TMEM17: variants seen among roughly 807,000 people sequenced by gnomAD.
The protein encoded by TMEM17 is transmembrane protein 17.
In TMEM17, 15 loss-of-function variants were observed where a neutral mutation model predicts 19.1. The observed-to-expected ratio is 0.78, with a 90% CI of 0.52 to 1.21. The LOEUF is 1.21. Among genes scored for constraint, TMEM17 ranks in the 50% most tolerant of loss-of-function variants. The pLI, the probability that TMEM17 is intolerant of heterozygous loss-of-function variation, is 0.00. For synonymous variants in TMEM17, 103 were observed against 86.9 expected, an observed-to-expected ratio of 1.19 and a Z score of -1.03; for missense variants, 245 against 242.3, an observed-to-expected ratio of 1.01 and a Z score of -0.07.
chr2:62,491,991 T>A, the TMEM17 span, among the ~76,000 whole-genome samples: 48,077 of 151,404 alleles, frequency 0.32, 8,371 homozygotes, highest in South Asian at 0.5. Flanking sequence ...AGCCTTTCTA[T>A]AGGTAAACGT....
chr2:62,499,396 G>T (rs1558721289), downstream of TMEM17, among the ~76,000 whole-genome samples: 1 of 152,000 alleles, frequency 6.6e-6, no homozygotes, highest in Non-Finnish European at 1.5e-5. Flanking sequence ...AGTCCTATCT[G>T]GGAAACAAAT....
At chr2:62,487,844 C>G in the TMEM17 span, among the ~76,000 whole-genome samples, 2 of 152,194 alleles carry the variant, frequency 1.3e-5, no homozygotes, top group African/African-American at 2.4e-5. Context: ...CAGGCTCATG[C>G]CACCATGCCC....
chr2:62,496,108 A>G (rs190647403), downstream of TMEM17, among the ~76,000 whole-genome samples: 55 of 152,090 alleles, frequency 3.6e-4, no homozygotes, highest in African/African-American at 1.3e-3. Context: ...CTTGAGACTC[A>G]GTATTCCTGT....
chr2:62,504,739 T>C (rs1336922796), intron 1 of TMEM17, among the ~76,000 whole-genome samples: 1 of 152,236 alleles, frequency 6.6e-6, no homozygotes, highest in Admixed American at 6.5e-5. Context: ...TTTTGTACAG[T>C]CAATGAGCTA....
the TMEM17 span, among the ~76,000 whole-genome samples, chr2:62,492,930 G>T: frequency 6.6e-6 from 1 of 152,226 alleles, no homozygotes; most frequent in Non-Finnish European, 1.5e-5. Context: ...GCTTGAAGGA[G>T]TGGGGAAGAG....
the TMEM17 span, among the ~76,000 whole-genome samples, chr2:62,482,015 G>A: frequency 6.6e-6 from 1 of 152,166 alleles, no homozygotes; most frequent in Non-Finnish European, 1.5e-5. Context: ...ATTTAGCCTG[G>A]AAGTTGGAGA....
chr2:62,454,418 C>T, the TMEM17 span, among the ~76,000 whole-genome samples: 4 of 152,310 alleles, frequency 2.6e-5, no homozygotes, highest in Admixed American at 2.6e-4. Flanking sequence ...ATGAGGCAAA[C>T]AGTGTGCAGC....
intron 1 of TMEM17, 141 bp downstream of exon 1, chr2:62,505,889 C>T: frequency 1.2e-6 from 1 of 860,050 alleles, no homozygotes; most frequent in Non-Finnish European, 1.8e-6. Flanking sequence ...CCGGCCCCTC[C>T]TCCAAGGCGC....
Position 62,501,408 on chromosome 2 carries a change from C to A in TMEM17, c.398G>T (p.Gly133Val). Residue 133 changes from glycine (G) to valine (V), a missense_variant, in exon 4 of 4, where the codon GGC (glycine) becomes GTC (valine). Transcript: ENST00000335390. ...PLILFLLFNE[G>V]LTNLPLEKAI... ...TTTTTCCAAGGGCAGATTTGTTAGG[C>A]CTTCATTAAAGAGCAAGAAAAGAAT... The A allele has an allele frequency of 1.2e-6, 2 of 1,614,128 alleles. No homozygotes were observed. Among genetic ancestry groups the A allele is most frequent in the South Asian group, 1.1e-5 (1 of 91,080 alleles).
At chr2:62,470,084 T>C in the TMEM17 span, among the ~76,000 whole-genome samples, 1 of 152,206 alleles carries the variant, frequency 6.6e-6, no homozygotes, top group South Asian at 2.1e-4. Flanking sequence ...CCTTCAGGTC[T>C]TGGAGCTCTA....
At chr2:62,455,210 A>G in the TMEM17 span, among the ~76,000 whole-genome samples, 1 of 152,208 alleles carries the variant, frequency 6.6e-6, no homozygotes. Context: ...TTTCATATAA[A>G]TAATACAATA....
At chr2:62,477,616 C>T in the TMEM17 span, among the ~76,000 whole-genome samples, 1 of 152,182 alleles carries the variant, frequency 6.6e-6, no homozygotes, top group African/African-American at 2.4e-5. Flanking sequence ...TGGGCTGGCT[C>T]TTAAGGCAAG....
At chr2:62,485,649 C>A in the TMEM17 span, among the ~76,000 whole-genome samples, 1 of 152,164 alleles carries the variant, frequency 6.6e-6, no homozygotes, top group Non-Finnish European at 1.5e-5. Flanking sequence ...AGGAAGTATA[C>A]CTTTAATTTG....
chr2:62,501,580 C>T (rs769568372), intron 3 of TMEM17, 93 bp from the exon 4 acceptor site: 32 of 1,244,632 alleles, frequency 2.6e-5, no homozygotes, highest in Non-Finnish European at 3.2e-5. Context: ...CGTGAACCTA[C>T]ATTATGGGCT....
chr2:62,462,018 G>A, the TMEM17 span, among the ~76,000 whole-genome samples: 1 of 152,230 alleles, frequency 6.6e-6, no homozygotes. Flanking sequence ...GTGAATTCAG[G>A]AATTGGAAAC....
At chr2:62,453,681 G>A in the TMEM17 span, among the ~76,000 whole-genome samples, 1 of 152,130 alleles carries the variant, frequency 6.6e-6, no homozygotes, top group African/African-American at 2.4e-5. Context: ...TACCAGCAAT[G>A]TTTGACTCCT....
chr2:62,487,683 G>A, the TMEM17 span, among the ~76,000 whole-genome samples: 3 of 152,176 alleles, frequency 2.0e-5, no homozygotes, highest in Non-Finnish European at 4.4e-5. Context: ...AACTTGCACA[G>A]GCCCCACTCC....
the TMEM17 span, among the ~76,000 whole-genome samples, chr2:62,483,599 ATTT>A: frequency 0.059 from 7,927 of 134,214 alleles, 232 homozygotes; most frequent in South Asian, 0.14. Context: ...CCCAGGATAC[ATTT>A]TTTTTTTTTT....
chr2:62,482,930 G>C, the TMEM17 span, among the ~76,000 whole-genome samples: 1 of 152,320 alleles, frequency 6.6e-6, no homozygotes, highest in Middle Eastern at 3.4e-3. Context: ...ATCAGAAGAG[G>C]AGTATTGTAA....
Sources: allele counts gnomAD v4.1 joint callset (sites outside exome capture counted in the v4.1 genomes callset), GRCh38; gene constraint gnomAD v4.1.1; transcripts MANE v1.5; gene names NCBI Gene and HGNC (gene_info 2026-07-23, HGNC 2026-07-21).